CADPS2: variants seen among roughly 807,000 people sequenced by gnomAD.
CADPS2 encodes calcium-dependent secretion activator 2.
Under a neutral mutation model 172.5 loss-of-function variants are expected in CADPS2, and 93 were observed. That is an observed-to-expected ratio of 0.54 (90% confidence interval 0.46 to 0.64). The LOEUF is 0.64. Ranked by LOEUF, CADPS2 falls within the 30% of genes least tolerant of loss-of-function variation. The pLI, the probability that CADPS2 is intolerant of heterozygous loss-of-function variation, is 0.00. For synonymous variants in CADPS2, 546 were observed against 555.2 expected (o/e 0.98, Z 0.23); for missense variants, 1,420 against 1,565.9 (o/e 0.91, Z 1.57).
chr7:122,754,187 A>G (rs2093065015), intron 1 of CADPS2, among the ~76,000 whole-genome samples: 1 of 152,134 alleles, frequency 6.6e-6, no homozygotes, highest in African/African-American at 2.4e-5. Flanking sequence ...GCTTTTCAAA[A>G]CTGTCCCTAT....
intron 6 of CADPS2, among the ~76,000 whole-genome samples, chr7:122,614,323 T>G (rs1303722606): frequency 6.6e-6 from 1 of 152,108 alleles, no homozygotes; most frequent in Non-Finnish European, 1.5e-5. Flanking sequence ...TAACCCTCTG[T>G]ATCTCCCTAT....
At chr7:122,408,382 A>G (rs972527201) in intron 19 of CADPS2, among the ~76,000 whole-genome samples, 2 of 152,110 alleles carry the variant, frequency 1.3e-5, no homozygotes, top group African/African-American at 4.8e-5. Flanking sequence ...TCTTTATGAA[A>G]AGTGTTTGCT....
intron 4 of CADPS2, among the ~76,000 whole-genome samples, chr7:122,627,965 G>A (rs764663835): frequency 6.6e-6 from 1 of 152,066 alleles, no homozygotes; most frequent in Non-Finnish European, 1.5e-5. Context: ...CACCTTTCTA[G>A]AAACCCAGAG....
chr7:122,513,655 G>A, intron 8 of CADPS2, among the ~76,000 whole-genome samples: 1 of 152,206 alleles, frequency 6.6e-6, no homozygotes, highest in Non-Finnish European at 1.5e-5. Flanking sequence ...TTGAGGACAT[G>A]GTTATCAATG....
intron 8 of CADPS2, among the ~76,000 whole-genome samples, chr7:122,546,032 C>T (rs1035697869): frequency 3.9e-5 from 6 of 152,026 alleles, no homozygotes; most frequent in Non-Finnish European, 7.4e-5. Context: ...CTTTTCTCTT[C>T]TGAATTACTA....
At chr7:122,325,603 CA>C (rs1486828090) in intron 28 of CADPS2, 22 bp from the exon 29 acceptor site, 2 of 1,501,846 alleles carry the variant, frequency 1.3e-6, no homozygotes, top group African/African-American at 1.4e-5. Context: ...AATTGGGGCA[CA>C]GGGGAGGAGA....
chr7:122,708,170 T>C (rs2087907156), intron 2 of CADPS2, among the ~76,000 whole-genome samples: 3 of 151,738 alleles, frequency 2.0e-5, no homozygotes, highest in Admixed American at 1.3e-4. Flanking sequence ...ATTCTATTAA[T>C]CTCCTTGAAG....
chr7:122,675,948 C>T (rs1185749614), intron 2 of CADPS2, among the ~76,000 whole-genome samples: 1 of 152,038 alleles, frequency 6.6e-6, no homozygotes. Context: ...TGCAACAAAC[C>T]TGCACGTTCT....
At chr7:122,337,341 T>C (rs1197436157) in intron 28 of CADPS2, among the ~76,000 whole-genome samples, 1 of 152,226 alleles carries the variant, frequency 6.6e-6, no homozygotes, top group Non-Finnish European at 1.5e-5. Context: ...TGCAAAGATG[T>C]GTATTTCTGG....
At chr7:122,700,215 C>G (rs1459215210) in intron 2 of CADPS2, among the ~76,000 whole-genome samples, 1 of 152,150 alleles carries the variant, frequency 6.6e-6, no homozygotes, top group Non-Finnish European at 1.5e-5. Context: ...ATGAATGTCT[C>G]TGGTCTACAT....
At chr7:122,475,897 T>G (rs1344074472) in intron 12 of CADPS2, among the ~76,000 whole-genome samples, 1 of 152,160 alleles carries the variant, frequency 6.6e-6, no homozygotes, top group African/African-American at 2.4e-5. Context: ...AATAATTACC[T>G]GAATGATTAA....
In CADPS2 at chr7:122,560,291, T is replaced by G. The variant is rs925250921; in HGVS notation, c.1336-5602A>C. 1.1e-4 allele frequency among the ~76,000 whole-genome samples: 17 copies of G among 152,134 alleles called. 1 individual carries two copies. The highest frequency in any genetic ancestry group is 1.9e-4 in the Non-Finnish European group (13 of 68,020). On this transcript the variant is annotated intron_variant, in intron 7 of 29. Coordinates refer to ENST00000449022, the MANE Select transcript of CADPS2 (RefSeq NM_017954.11). ...TGAAGGAGATACCAGAAGGTTAAGC[T>G]TATGGATAAAACCAGTAATTATGGA... is the stretch of plus-strand genomic sequence containing the variant.
At chr7:122,369,133 C>G (rs369504121) in intron 25 of CADPS2, among the ~76,000 whole-genome samples, 3,166 of 89,118 alleles carry the variant, frequency 0.036, 210 homozygotes, top group African/African-American at 0.13. Context: ...TGTTTCCCCC[C>G]CCCCCCCCCT....
chr7:122,760,318 TATAG>T (rs1209997782), intron 1 of CADPS2, among the ~76,000 whole-genome samples: 8 of 151,850 alleles, frequency 5.3e-5, no homozygotes, highest in Non-Finnish European at 1.2e-4. Flanking sequence ...GGTAATTATT[TATAG>T]ATATAGTCAA....
At chr7:122,645,387 G>GTACA (rs2078277234) in intron 3 of CADPS2, among the ~76,000 whole-genome samples, 1 of 43,074 alleles carries the variant, frequency 2.3e-5, no homozygotes, top group African/African-American at 6.3e-5. Flanking sequence ...ATATGTACAT[G>GTACA]TGTGTGTATA....
At chr7:122,878,805 GTTTTA>G (rs1052137153) in intron 1 of CADPS2, among the ~76,000 whole-genome samples, 15 of 152,034 alleles carry the variant, frequency 9.9e-5, no homozygotes, top group African/African-American at 3.6e-4. Flanking sequence ...TTATTTGCTT[GTTTTA>G]TTTTCTTACT....
chr7:122,436,484 G>C, intron 17 of CADPS2: 1 of 463,660 alleles, frequency 2.2e-6, no homozygotes, highest in African/African-American at 2.2e-5. Context: ...TTGGTTCTTA[G>C]TCTAGTCCTG....
At chr7:122,526,820 T>C (rs2061275469) in intron 8 of CADPS2, among the ~76,000 whole-genome samples, 1 of 152,148 alleles carries the variant, frequency 6.6e-6, no homozygotes, top group African/African-American at 2.4e-5. Flanking sequence ...CAGCAGATTG[T>C]TTGACTAATG....
intron 27 of CADPS2, among the ~76,000 whole-genome samples, chr7:122,351,372 C>CAAAAAAAAAAAAGAAAA (rs2038585629): frequency 3.5e-5 from 1 of 28,918 alleles, no homozygotes; most frequent in African/African-American, 1.5e-4. Flanking sequence ...GACTCCGTCT[C>CAAAAAAAAAAAAGAAAA]AAAAAAAAAA....
Sources: gnomAD v4.1 joint callset for allele counts (sites outside exome capture counted in the v4.1 genomes callset) on GRCh38, gnomAD v4.1.1 for gene constraint, MANE v1.5 for transcripts, NCBI Gene and HGNC (gene_info 2026-07-23, HGNC 2026-07-21) for gene names.